TNPO3: variants seen among roughly 807,000 people sequenced by gnomAD.
TNPO3 encodes transportin-3.
TNPO3 carries 65 observed loss-of-function variants against 122.8 expected under a neutral mutation model. That is an observed-to-expected ratio of 0.53 (90% CI 0.43 to 0.65). TNPO3 has a LOEUF of 0.65. Among genes scored for constraint, TNPO3 ranks in the 30% least tolerant of loss-of-function variants. The pLI, the probability that TNPO3 is intolerant of heterozygous loss-of-function variation, is 0.00. For synonymous variants in TNPO3, 372 were observed against 411.2 expected, an observed-to-expected ratio of 0.90 and a Z score of 1.15; for missense variants, 850 against 1,136.7, an observed-to-expected ratio of 0.75 and a Z score of 3.63.
At position 128,990,252 on chromosome 7, in the gene TNPO3, T is replaced by TC. The variant is rs1176454962; in HGVS notation, c.1359-153dup. 6 of 841,484 alleles carry TC rather than the reference T, an allele frequency of 7.1e-6. 1 individual carries two copies. The highest frequency in any genetic ancestry group is 1.2e-5 in the Non-Finnish European group (6 of 503,964). The allele number at this position is 841,484 out of a possible 1,614,324, so 52.1% of individuals were successfully genotyped here. On this transcript the variant is annotated intron_variant, in intron 10 of 22. Transcript: ENST00000265388. ...ACTTGGTATTTGTTATGAAAGATTT[T>TC]CAAATCTTCAAAAAAGAGGAAAAGA...
chr7:128,994,306 C>T (rs12672081), intron 8 of TNPO3, among the ~76,000 whole-genome samples: 7,542 of 152,034 alleles, frequency 0.05, 222 homozygotes, highest in Middle Eastern at 0.1. Flanking sequence ...TACAGACACA[C>T]GCCACCACAC....
intron 4 of TNPO3, 131 bp from the exon 5 acceptor site, chr7:129,005,290 G>T: frequency 5.9e-6 from 5 of 852,224 alleles, no homozygotes; most frequent in South Asian, 2.0e-5. Context: ...TGCTTTTTAA[G>T]TTTAAGTGTC....
chr7:129,003,125 A>T (rs1285152931), intron 5 of TNPO3, among the ~76,000 whole-genome samples: 1 of 148,446 alleles, frequency 6.7e-6, no homozygotes, highest in Non-Finnish European at 1.5e-5. Flanking sequence ...CAGGAGGCTG[A>T]GGCAGGAGAA....
At chr7:129,008,285 G>A (rs1802800372) in intron 4 of TNPO3, among the ~76,000 whole-genome samples, 1 of 152,080 alleles carries the variant, frequency 6.6e-6, no homozygotes, top group Non-Finnish European at 1.5e-5. Flanking sequence ...GGGAGGCTGA[G>A]GTGGGAGGAT....
At chr7:129,048,394 G>A (rs1009636217) in intron 1 of TNPO3, among the ~76,000 whole-genome samples, 5 of 152,194 alleles carry the variant, frequency 3.3e-5, no homozygotes, top group Non-Finnish European at 5.9e-5. Context: ...GCCGGGCATG[G>A]TGGCATGTGC....
At chr7:128,965,613 G>A (rs1797856565) in intron 21 of TNPO3, among the ~76,000 whole-genome samples, 1 of 152,200 alleles carries the variant, frequency 6.6e-6, no homozygotes, top group African/African-American at 2.4e-5. Context: ...CAAAAGAATT[G>A]AAAGCAGGGG....
At chr7:129,018,950 C>A (rs1351659054) in intron 1 of TNPO3, among the ~76,000 whole-genome samples, 1 of 152,190 alleles carries the variant, frequency 6.6e-6, no homozygotes, top group Non-Finnish European at 1.5e-5. Context: ...AACTCCTGAC[C>A]TCAGGTGATC....
intron 21 of TNPO3, among the ~76,000 whole-genome samples, chr7:128,959,904 C>T (rs879469641): frequency 2.0e-4 from 30 of 152,086 alleles, no homozygotes; most frequent in Admixed American, 2.0e-3. Flanking sequence ...ACCTGTGATC[C>T]CAGCTACTCG....
At chr7:128,972,686 G>A in intron 18 of TNPO3, 104 bp from the exon 19 acceptor site, 1 of 1,055,684 alleles carries the variant, frequency 9.5e-7, no homozygotes, top group Non-Finnish European at 1.4e-6. Context: ...ATCAGTGGTT[G>A]GTGGGGGGTT....
At chr7:129,040,807 C>T (rs1807287198) in intron 1 of TNPO3, among the ~76,000 whole-genome samples, 1 of 152,134 alleles carries the variant, frequency 6.6e-6, no homozygotes, top group Admixed American at 6.6e-5. Context: ...AAGGCACTAT[C>T]TTCTAAATTC....
At chr7:129,039,465 C>T (rs1317094399) in intron 1 of TNPO3, among the ~76,000 whole-genome samples, 5 of 152,006 alleles carry the variant, frequency 3.3e-5, no homozygotes, top group South Asian at 2.1e-4. Context: ...GAGGCCAAGG[C>T]GGGAGGATTG....
intron 2 of TNPO3, among the ~76,000 whole-genome samples, 164 bp downstream of exon 2, chr7:129,017,793 T>TACAAAAGATTAAC (rs1804012810): frequency 6.6e-6 from 1 of 152,214 alleles, no homozygotes; most frequent in Non-Finnish European, 1.5e-5. Flanking sequence ...CCAAGATTAA[T>TACAAAAGATTAAC]ACAAAAGATT....
chr7:128,992,129 A>G (rs780014759), intron 9 of TNPO3, 39 bp from the exon 10 acceptor site: 2 of 1,215,158 alleles, frequency 1.6e-6, no homozygotes, highest in Admixed American at 4.5e-5. Flanking sequence ...CATTAAAAGG[A>G]AAACAGAATG....
chr7:128,993,998 C>A (rs1215107590), intron 8 of TNPO3, 84 bp from the exon 9 acceptor site: 4 of 1,258,318 alleles, frequency 3.2e-6, no homozygotes, highest in Admixed American at 4.5e-5. Context: ...AAGAAAAAAA[C>A]CATTAAGCAG....
In TNPO3 at chr7:128,970,414, GTGTGTGTGTGTGTGCACGCGTGGC is replaced by G. The variant is rs1417561399; in HGVS notation, c.2431-123_2431-100del. On this transcript the variant is annotated intron_variant, in intron 19 of 22. Transcript: ENST00000265388. ...TTAGTAATTTCTCTTTAATAGGAAA[GTGTGTGTGTGTGTGCACGCGTGGC>G]TGTGTGTGTGTGTATGCAGGTGTGT... 28 of 904,116 alleles carry G rather than the reference GTGTGTGTGTGTGTGCACGCGTGGC, an allele frequency of 3.1e-5. 1 individual carries two copies. The highest frequency in any genetic ancestry group is 5.6e-5 in the Admixed American group (2 of 35,864). The allele number at this position is 904,116 out of a possible 1,614,324, so 56.0% of individuals were successfully genotyped here. A position where few individuals can be genotyped will look rare whatever the true frequency, so the allele number is the denominator to read the frequency against.
In TNPO3 at chr7:128,996,790, G is replaced by A. The variant is rs184843269; in HGVS notation, c.1158+599C>T. On this transcript the variant is annotated intron_variant, in intron 8 of 22. Coordinates refer to ENST00000265388, the MANE Select transcript of TNPO3 (RefSeq NM_012470.4). The stretch of plus-strand genomic sequence containing the variant: ...AAAAGAGTACATAATTTTACATTCT[G>A]ATTTTTCTCTTACCATATCATCATT... 9.6e-4 allele frequency among the ~76,000 whole-genome samples: 138 copies of A among 143,460 alleles called. 1 individual carries two copies. Among genetic ancestry groups the A allele is most frequent in the African/African-American group, 3.5e-3 (136 of 39,318 alleles). The allele number at this position is 143,460 out of a possible 152,430, so 94.1% of individuals were successfully genotyped here.
intron 11 of TNPO3, 122 bp downstream of exon 11, chr7:128,989,839 A>G: frequency 9.4e-7 from 1 of 1,069,458 alleles, no homozygotes; most frequent in Non-Finnish European, 1.3e-6. Flanking sequence ...GTTTACTCTC[A>G]GTTTCTATAA....
intron 4 of TNPO3, among the ~76,000 whole-genome samples, chr7:129,014,668 C>T (rs962844226): frequency 6.6e-5 from 10 of 152,244 alleles, no homozygotes; most frequent in Admixed American, 3.9e-4. Context: ...CAGTTTGGAG[C>T]ATTAAGCAGT....
At chr7:128,960,862 C>A (rs972716107) in intron 21 of TNPO3, among the ~76,000 whole-genome samples, 1 of 151,946 alleles carries the variant, frequency 6.6e-6, no homozygotes, top group Admixed American at 6.6e-5. Flanking sequence ...CAGGTTCAAG[C>A]GATTCTCCAG....
Sources: gnomAD v4.1 joint callset for allele counts (sites outside exome capture counted in the v4.1 genomes callset) on GRCh38, gnomAD v4.1.1 for gene constraint, MANE v1.5 for transcripts, NCBI Gene and HGNC (gene_info 2026-07-23, HGNC 2026-07-21) for gene names.